C12orf42: variants seen among roughly 807,000 people sequenced by gnomAD.
C12orf42 encodes the protein uncharacterized protein C12orf42.
In C12orf42, 25 loss-of-function variants were observed where a neutral mutation model predicts 21.6. The observed-to-expected ratio is 1.16, with a 90% CI of 0.84 to 1.62. The LOEUF (loss-of-function observed/expected upper bound fraction) is 1.62. Ranked by LOEUF, C12orf42 falls within the 40% of genes most tolerant of loss-of-function variation. The pLI, the probability that C12orf42 is intolerant of heterozygous loss-of-function variation, is 0.00. For synonymous variants in C12orf42, 174 were observed against 175.0 expected (o/e 0.99, Z 0.05); for missense variants, 483 against 459.3 (o/e 1.05, Z -0.47).
intron 4 of C12orf42, among the ~76,000 whole-genome samples, chr12:103,358,009 A>C (rs1339170403): frequency 6.6e-6 from 1 of 152,016 alleles, no homozygotes; most frequent in Non-Finnish European, 1.5e-5. Context: ...TGTATGTCTA[A>C]AAATTGGTAG....
chr12:103,405,959 T>C (rs1309654478), intron 2 of C12orf42, among the ~76,000 whole-genome samples: 1 of 152,178 alleles, frequency 6.6e-6, no homozygotes, highest in Non-Finnish European at 1.5e-5. Context: ...AGTTCTAATC[T>C]AATGTGGATT....
At chr12:103,196,765 C>T in the C12orf42 span, among the ~76,000 whole-genome samples, 2 of 151,754 alleles carry the variant, frequency 1.3e-5, no homozygotes, top group Non-Finnish European at 2.9e-5. Flanking sequence ...CTTCTGTTTG[C>T]TTGATAGATT....
At chr12:103,089,136 G>A in the C12orf42 span, among the ~76,000 whole-genome samples, 1 of 140,706 alleles carries the variant, frequency 7.1e-6, no homozygotes, top group African/African-American at 2.7e-5. Context: ...AATCAACTCG[G>A]CAACCCCTTG....
rs374331136 is a variant in C12orf42 at position 103,302,416 on chromosome 12, C to G, written c.775G>C (p.Asp259His). 1 of 1,613,890 alleles carries G rather than the reference C, an allele frequency of 6.2e-7. No individual in the cohort carries two copies. Among genetic ancestry groups the G allele is most frequent in the Admixed American group, 1.7e-5 (1 of 60,020 alleles). The stretch of plus-strand genomic sequence containing the variant: ...CCCAGGAGTCTGCTTTGGATGTCGT[C>G]GGGGTGTGCCTGAGCGCCTGCTGGG... ...AVPAGAQAHP[D>H]DIQSRLLGAS... The change falls in exon 6 of 6, where the codon GAC (aspartate) becomes CAC (histidine). Residue 259 changes from aspartate to histidine, a missense_variant. Asp to His is a moderately conservative substitution (Grantham distance 81). Transcript: ENST00000548883.
the C12orf42 span, among the ~76,000 whole-genome samples, chr12:103,521,541 G>T: frequency 6.6e-6 from 1 of 152,118 alleles, no homozygotes; most frequent in Non-Finnish European, 1.5e-5. Context: ...GGTGAGTGGT[G>T]GGAGGGAGAG....
chr12:103,228,398 G>A, the C12orf42 span, among the ~76,000 whole-genome samples: 17 of 152,140 alleles, frequency 1.1e-4, no homozygotes, highest in Non-Finnish European at 1.8e-4. Context: ...GGCAAGGACC[G>A]GCCATTTACA....
At chr12:103,367,819 C>T (rs1021005622) in intron 4 of C12orf42, among the ~76,000 whole-genome samples, 1 of 151,834 alleles carries the variant, frequency 6.6e-6, no homozygotes, top group Non-Finnish European at 1.5e-5. Flanking sequence ...GAGTGTGTAC[C>T]ACAATGTGAT....
intron 10 of C12orf42, among the ~76,000 whole-genome samples, chr12:103,256,111 T>TATATATATACAC (rs1439188517): frequency 8.9e-5 from 3 of 33,852 alleles, no homozygotes; most frequent in Non-Finnish European, 1.6e-4. Flanking sequence ...TATATATATA[T>TATATATATACAC]ACACACACAC....
intron 2 of C12orf42, among the ~76,000 whole-genome samples, chr12:103,444,120 T>C (rs1951431617): frequency 6.6e-6 from 1 of 152,090 alleles, no homozygotes; most frequent in Admixed American, 6.6e-5. Context: ...TTGTTACCCA[T>C]TTTAATAATT....
At chr12:103,115,009 A>G in the C12orf42 span, among the ~76,000 whole-genome samples, 44 of 152,346 alleles carry the variant, frequency 2.9e-4, no homozygotes, top group Admixed American at 2.5e-3. Flanking sequence ...GCCGTGACCA[A>G]TTGTACACTG....
chr12:103,461,145 T>C (rs1952672858), intron 2 of C12orf42, among the ~76,000 whole-genome samples: 1 of 152,222 alleles, frequency 6.6e-6, no homozygotes, highest in African/African-American at 2.4e-5. Context: ...TATTGAATTA[T>C]GGTGAAATTT....
At chr12:103,498,553 A>C (rs1157229738), upstream of C12orf42, among the ~76,000 whole-genome samples, 3 of 152,252 alleles carry the variant, frequency 2.0e-5, no homozygotes, top group East Asian at 5.8e-4. Context: ...TAAATAAACC[A>C]GTCACAGAAG....
chr12:103,183,801 C>T, the C12orf42 span, among the ~76,000 whole-genome samples: 3 of 152,082 alleles, frequency 2.0e-5, no homozygotes, highest in Non-Finnish European at 4.4e-5. Context: ...TTTTTACTTA[C>T]TTTGAGTCTT....
intron 4 of C12orf42, among the ~76,000 whole-genome samples, chr12:103,358,040 C>T (rs1018811100): frequency 6.6e-6 from 1 of 152,024 alleles, no homozygotes; most frequent in African/African-American, 2.4e-5. Flanking sequence ...ACAGTAGGGG[C>T]TTCACTCACA....
At chr12:103,264,570 C>T (rs951548635), downstream of C12orf42, among the ~76,000 whole-genome samples, 15 of 152,172 alleles carry the variant, frequency 9.9e-5, 1 homozygote, top group Admixed American at 9.2e-4. Flanking sequence ...CCATGCCACA[C>T]ATTCCAAACT....
chr12:103,535,379 T>C, the C12orf42 span, among the ~76,000 whole-genome samples: 1 of 151,572 alleles, frequency 6.6e-6, no homozygotes, highest in Non-Finnish European at 1.5e-5. Flanking sequence ...TTATATTATA[T>C]ATAAGTATAA....
intron 4 of C12orf42, among the ~76,000 whole-genome samples, chr12:103,365,311 C>G (rs2044500591): frequency 6.6e-6 from 1 of 151,806 alleles, no homozygotes; most frequent in Non-Finnish European, 1.5e-5. Context: ...AATTGGCATA[C>G]AAGTGACATG....
chr12:103,507,230 T>TATATAATATATA, the C12orf42 span, among the ~76,000 whole-genome samples: 1 of 48,886 alleles, frequency 2.0e-5, no homozygotes, highest in African/African-American at 1.8e-4. Context: ...TAAATATAAA[T>TATATAATATATA]ATATATATAT....
chr12:103,444,144 CTAATTA>C (rs1465068897), intron 2 of C12orf42, among the ~76,000 whole-genome samples: 2 of 151,880 alleles, frequency 1.3e-5, no homozygotes, highest in Non-Finnish European at 2.9e-5. Flanking sequence ...GTTATCTTTA[CTAATTA>C]TAATTATTAA....
Sources: gnomAD v4.1 joint callset for allele counts (sites outside exome capture counted in the v4.1 genomes callset) on GRCh38, gnomAD v4.1.1 for gene constraint, MANE v1.5 for transcripts, NCBI Gene and HGNC (gene_info 2026-07-23, HGNC 2026-07-21) for gene names.